The following CTC1 variants were observed in gnomAD, a reference collection of about 807,000 sequenced individuals.
CTC1 encodes the protein CST telomere replication complex component 1, also known as CST complex subunit CTC1.
CTC1 carries 91 observed loss-of-function variants against 136.3 expected under a neutral mutation model. That is an observed-to-expected ratio of 0.67 (90% CI 0.56 to 0.79). CTC1 has a LOEUF of 0.79. Among genes scored for constraint, CTC1 ranks in the 30% least tolerant of loss-of-function variants. CTC1 has a pLI of 0.00. For missense variants in CTC1, 1,432 were observed against 1,498.1 expected (o/e 0.96, Z 0.73); for synonymous variants, 606 against 613.8 (o/e 0.99, Z 0.19).
At chr17:8,238,282 C>T (rs1423700253) in intron 3 of CTC1, 40 bp from the exon 4 acceptor site, 4 of 1,569,386 alleles carry the variant, frequency 2.5e-6, no homozygotes, top group Non-Finnish European at 3.5e-6. Context: ...AGAACCTTAG[C>T]ATCCTATCCA....
In CTC1 at chr17:8,228,929, A is replaced by C. The variant is rs73244850; in HGVS notation, c.3222-37T>G. On this transcript the variant is annotated intron_variant, in intron 20 of 22. Transcript: ENST00000651323. ...AGGAGGAAATAAAAACGCCTATAGC[A>C]ACCCAGGTTGCCAACACCCTGGACC... 0.022 allele frequency: 34,876 copies of C among 1,580,246 alleles called. 1,018 individuals carry two copies. The highest frequency in any genetic ancestry group is 0.11 in the African/African-American group (8,070 of 73,236).
Position 8,232,509 on chromosome 17 carries a change from A to G in CTC1, c.1946-34T>C, listed in dbSNP as rs765864476. Reference sequence around the variant, plus strand: ...AGAAAGTTTTCTGTTTTGACAAGAAAGGAGACCTGTGGGGTGGGTTGCAAG... The same window carrying G: ...AGAAAGTTTTCTGTTTTGACAAGAAGGGAGACCTGTGGGGTGGGTTGCAAG... On this transcript the variant is annotated intron_variant, in intron 11 of 22. Coordinates refer to ENST00000651323, the MANE Select transcript of CTC1 (RefSeq NM_025099.6). 3.2e-6 allele frequency: 5 copies of G among 1,581,738 alleles called. No homozygotes were observed. In the East Asian group the frequency reaches 1.1e-4, roughly 35 times the overall value.
chr17:8,232,121 C>T lies in CTC1; in HGVS notation c.2167G>A (p.Glu723Lys), dbSNP rs1333941661. ...STPQTDPTGP[E>K]GPHLGQSRLF... ...CGGCTCTGTCCTAGGTGGGGTCCCTCTGGGCCGGTGGGATCTGTCTGAGGT... is the reference window on the plus strand; with the variant it reads ...CGGCTCTGTCCTAGGTGGGGTCCCTTTGGGCCGGTGGGATCTGTCTGAGGT... Residue 723 changes from glutamate (E) to lysine (K), a missense_variant, in exon 13 of 23, where the codon GAG becomes AAG. Physicochemically the swap from Glu to Lys is moderately conservative, Grantham distance 56. Coordinates refer to ENST00000651323, the MANE Select transcript of CTC1 (RefSeq NM_025099.6). 6 of 1,532,338 alleles carry T rather than the reference C, an allele frequency of 3.9e-6. No homozygotes were observed. Among genetic ancestry groups the T allele is most frequent in the Non-Finnish European group, 5.2e-6 (6 of 1,144,584 alleles). The allele number at this position is 1,532,338 out of a possible 1,614,324, so 94.9% of individuals were successfully genotyped here.
At chr17:8,242,553 AATAT>A (rs1242237744) in intron 2 of CTC1, among the ~76,000 whole-genome samples, 2,653 of 59,978 alleles carry the variant, frequency 0.044, 52 homozygotes, top group South Asian at 0.073. Flanking sequence ...AAAAAAAAAA[AATAT>A]ATATATATAT....
At chr17:8,238,310 T>G in intron 3 of CTC1, 68 bp from the exon 4 acceptor site, 14 of 1,563,018 alleles carry the variant, frequency 9.0e-6, no homozygotes, top group Non-Finnish European at 1.2e-5. Flanking sequence ...CCCCGTTTGT[T>G]TCCTCAGAGA....
intron 1 of CTC1, 108 bp from the exon 2 acceptor site, chr17:8,243,256 A>C: frequency 9.5e-7 from 1 of 1,052,402 alleles, no homozygotes; most frequent in Non-Finnish European, 1.3e-6. Flanking sequence ...GCGGTGGCTC[A>C]CGCCTGTAAT....
rs1021551937 is a variant in CTC1, at chr17:8,226,650, T to C, written c.*1530A>G. ...TCGAACCTGCGCGGGGAGACCCCAA[T>C]GGATTTCTAGTCCATCGCCTTAACC... is the stretch of plus-strand genomic sequence containing the variant. On this transcript the variant is annotated 3_prime_UTR_variant, in exon 23 of 23. Coordinates refer to ENST00000651323, the MANE Select transcript of CTC1 (RefSeq NM_025099.6). 9.2e-5 allele frequency: 14 copies of C among 152,212 alleles called. No individual in the cohort carries two copies. Among genetic ancestry groups the C allele is most frequent in the African/African-American group, 2.2e-4 (9 of 41,460 alleles). The allele number at this position is 152,212 out of a possible 1,614,324, so 9.4% of individuals were successfully genotyped here. A position where few individuals can be genotyped will look rare whatever the true frequency, so the allele number is the denominator to read the frequency against.
chr17:8,229,341 G>T lies in CTC1; in HGVS notation c.3117C>A (p.Leu1039=), dbSNP rs749339785. The change falls in exon 19 of 23, where the codon CTC becomes CTA. Residue 1039 remains leucine, a synonymous_variant. Coordinates refer to ENST00000651323, the MANE Select transcript of CTC1 (RefSeq NM_025099.6). The part of the protein sequence containing the change: ...CHIVSVFSLQ[L]FWVCAYCTSI... Reference sequence around the variant, plus strand: ...TGGTACAATAAGCACACACCCAGAAGAGCTGAAGGCTGAAGACAGAGACGA... The same window carrying T: ...TGGTACAATAAGCACACACCCAGAATAGCTGAAGGCTGAAGACAGAGACGA... 6.2e-7 allele frequency: 1 copy of T among 1,614,222 alleles called. No individual in the cohort carries two copies. Among genetic ancestry groups the T allele is most frequent in the Non-Finnish European group, 8.5e-7 (1 of 1,180,046 alleles).
intron 1 of CTC1, 26 bp downstream of exon 1, chr17:8,247,978 A>C: frequency 6.2e-7 from 1 of 1,607,800 alleles, no homozygotes; most frequent in Non-Finnish European, 8.5e-7. Flanking sequence ...GAAAAAAGGA[A>C]CAAGAGACGT....
intron 2 of CTC1, among the ~76,000 whole-genome samples, chr17:8,240,995 A>G (rs1459332103): frequency 3.3e-5 from 5 of 151,818 alleles, no homozygotes; most frequent in Admixed American, 3.3e-4. Context: ...CAAGATATGC[A>G]TATACACTAT....
intron 5 of CTC1, among the ~76,000 whole-genome samples, chr17:8,236,904 C>A (rs1987775909): frequency 6.6e-6 from 1 of 152,128 alleles, no homozygotes; most frequent in South Asian, 2.1e-4. Flanking sequence ...AGAGATCAAT[C>A]ATACCCCAAA....
chr17:8,243,654 C>A (rs1481026146), intron 1 of CTC1, among the ~76,000 whole-genome samples: 2 of 152,202 alleles, frequency 1.3e-5, no homozygotes, highest in East Asian at 3.8e-4. Flanking sequence ...CAGCTTTGGT[C>A]TTGCCCCTTT....
At chr17:8,240,375 C>T (rs557294809) in intron 2 of CTC1, among the ~76,000 whole-genome samples, 4 of 150,890 alleles carry the variant, frequency 2.7e-5, no homozygotes, top group East Asian at 2.0e-4. Flanking sequence ...AGGCTGGTCT[C>T]GAACTCTTGA....
Position 8,241,849 on chromosome 17 carries a change from CAAAAAAAAA to C in CTC1, c.197+1127_197+1135del, listed in dbSNP as rs59476896. Among the ~76,000 whole-genome samples the C allele has an allele frequency of 5.2e-5, 5 of 96,332 alleles. No homozygotes were observed. The East Asian group carries it at 1.2e-3, about 23-fold the overall frequency. The allele number at this position is 96,332 out of a possible 152,430, so 63.2% of individuals were successfully genotyped here. A position where few individuals can be genotyped will look rare whatever the true frequency, so the allele number is the denominator to read the frequency against. ...TGGGGGACAGAGTGAGACCCTGTCT[CAAAAAAAAA>C]AAAAAAAAAAGCAAATCACGGAGGG... On this transcript the variant is annotated intron_variant, in intron 2 of 22. Transcript: ENST00000651323.
chr17:8,242,549 AAAAAATATATAT>A (rs1194494962), intron 2 of CTC1, among the ~76,000 whole-genome samples: 288 of 77,630 alleles, frequency 3.7e-3, no homozygotes, highest in East Asian at 0.013. Flanking sequence ...AAAAAAAAAA[AAAAAATATATAT>A]ATATATATAT....
At position 8,231,425 on chromosome 17, in the gene CTC1, C is replaced by T. The variant is rs768608414; in HGVS notation, c.2520G>A (p.Arg840=). ...FEKDGSSCIS[R]RPLELAGCAS... is the part of the protein sequence containing the mutation. ...CACAGCCAGCCAACTCCAGAGGACG[C>T]CGAGATATGCAGGATGAACCATCCT... is the stretch of plus-strand genomic sequence containing the variant. The change falls in exon 15 of 23, where the codon CGG becomes CGA. Residue 840 remains arginine, a synonymous_variant. Transcript: ENST00000651323. 1.9e-6 allele frequency: 3 copies of T among 1,613,138 alleles called. No homozygotes were observed. Among genetic ancestry groups the T allele is most frequent in the Non-Finnish European group, 2.5e-6 (3 of 1,179,560 alleles).
At chr17:8,233,054 G>A (rs573155864) in intron 10 of CTC1, 22 bp from the exon 11 acceptor site, 8 of 1,610,324 alleles carry the variant, frequency 5.0e-6, no homozygotes, top group Admixed American at 3.3e-5. Flanking sequence ...TGAAGGTTGA[G>A]TTATCAAATG....
rs557127763 is a variant in CTC1, at chr17:8,245,305, GA to G, written c.34-2158del. ...CTGAATCTAAAATAAAAGTTAAAAG[GA>G]AAAAAAAGTCTTCAAGTTCTAGATG... On this transcript the variant is annotated intron_variant, in intron 1 of 22. Coordinates refer to ENST00000651323, the MANE Select transcript of CTC1 (RefSeq NM_025099.6). Among the ~76,000 whole-genome samples the G allele has an allele frequency of 3.2e-4, 48 of 151,690 alleles. 1 individual carries two copies. In the South Asian group the frequency reaches 6.0e-3, roughly 19 times the overall value.
Position 8,234,485 on chromosome 17 carries a change from A to G in CTC1, c.1788T>C (p.Cys596=), listed in dbSNP as rs528319571. 1 of 1,552,718 alleles carries G rather than the reference A, an allele frequency of 6.4e-7. No homozygotes were observed. Among genetic ancestry groups the G allele is most frequent in the Middle Eastern group, 1.7e-4 (1 of 5,994 alleles). ...CTGGGCAGAAGGCAGAGGGCAGCAG[A>G]CAGAGCCAGGACCAAGCCAGGCGGC... is the stretch of plus-strand genomic sequence containing the variant. ...LNRRLAWSWL[C]LLPSAFCPAQ... is the part of the protein sequence containing the mutation. The change falls in exon 10 of 23, where the codon TGT becomes TGC. Residue 596 remains cysteine, a synonymous_variant. Coordinates refer to ENST00000651323, the MANE Select transcript of CTC1 (RefSeq NM_025099.6).
Sources: gnomAD v4.1 joint callset for allele counts (sites outside exome capture counted in the v4.1 genomes callset) on GRCh38, gnomAD v4.1.1 for gene constraint, MANE v1.5 for transcripts, NCBI Gene and HGNC (gene_info 2026-07-23, HGNC 2026-07-21) for gene names.